The following GRIP2 variants were observed in gnomAD, a reference collection of about 807,000 sequenced individuals.
GRIP2 encodes the protein glutamate receptor-interacting protein 2.
In GRIP2, 58 loss-of-function variants were observed where a neutral mutation model predicts 108.3. The ratio of observed to expected loss-of-function variants is 0.54; its 90% CI spans 0.43 to 0.67. The LOEUF (loss-of-function observed/expected upper bound fraction) is 0.67, where lower values mean the gene tolerates loss of function less well. Ranked by LOEUF, GRIP2 falls within the 30% of genes least tolerant of loss-of-function variation. The pLI is 0.00. For synonymous variants in GRIP2, 586 were observed against 598.2 expected (o/e 0.98, Z 0.30); for missense variants, 1,278 against 1,430.6 (o/e 0.89, Z 1.72).
At chr3:14,509,203 C>T (rs1694014291) in intron 17 of GRIP2, among the ~76,000 whole-genome samples, 1 of 152,210 alleles carries the variant, frequency 6.6e-6, no homozygotes, top group Non-Finnish European at 1.5e-5. Context: ...GCAGCCCCCA[C>T]CAGGCTCTCC....
Position 14,506,978 on chromosome 3 carries a change from G to T in GRIP2, c.2221C>A (p.Pro741Thr). The T allele has an allele frequency of 1.9e-6, 3 of 1,598,318 alleles. No individual in the cohort carries two copies. The highest frequency in any genetic ancestry group is 2.6e-6 in the Non-Finnish European group (3 of 1,171,984). ...TLKIKKQLDR[P>T]LLPRKSGSLS... is the part of the protein sequence containing the mutation. ...CTGCCCGACTTGCGGGGTAGGAGGG[G>T]ACCTGGGAGGAGAGAGGGGTGTCAA... is the stretch of plus-strand genomic sequence containing the variant. Residue 741 changes from proline to threonine, a missense_variant and splice_region_variant, in exon 19 of 24, where the codon CCC (proline) becomes ACC (threonine). By Grantham distance (38) the Pro-to-Thr change is conservative (BLOSUM62 -1). Transcript: ENST00000621039.
Position 14,540,010 on chromosome 3 carries a change from G to A in GRIP2, c.40+259C>T, listed in dbSNP as rs1395962481. ...CCCTACAAGGCTGAGCACTGCCCTC[G>A]GAACCTCCAGACCCGCCTGTTCTGC... On this transcript the variant is annotated intron_variant, in intron 1 of 23. Coordinates refer to ENST00000621039, the MANE Select transcript of GRIP2 (RefSeq NM_001080423.4). This position sits in a 1 kb window ranked among gnomAD's most constrained non-coding sequence, Gnocchi z 4.1. 2.6e-5 allele frequency among the ~76,000 whole-genome samples: 4 copies of A among 152,084 alleles called. No individual in the cohort carries two copies. The highest frequency in any genetic ancestry group is 4.8e-5 in the African/African-American group (2 of 41,422).
At chr3:14,568,857 G>A in the GRIP2 span, among the ~76,000 whole-genome samples, 7 of 152,190 alleles carry the variant, frequency 4.6e-5, no homozygotes, top group Admixed American at 1.3e-4. Context: ...TGGGCAGGCC[G>A]TGCAGTCAGA....
chr3:14,593,878 C>G, the GRIP2 span, among the ~76,000 whole-genome samples: 1 of 152,208 alleles, frequency 6.6e-6, no homozygotes, highest in African/African-American at 2.4e-5. Flanking sequence ...GAGCTAGGCT[C>G]TAGTCCAAAC....
the GRIP2 span, chr3:14,574,367 CG>C: frequency 1.1e-6 from 1 of 944,566 alleles, no homozygotes; most frequent in Non-Finnish European, 1.7e-6. Flanking sequence ...GGTTCCGCCG[CG>C]GCCCCGCGGT....
chr3:14,538,388 C>G (rs1004114253), intron 1 of GRIP2, among the ~76,000 whole-genome samples: 10 of 152,156 alleles, frequency 6.6e-5, no homozygotes, highest in Non-Finnish European at 1.0e-4. Flanking sequence ...GAAATAGGCT[C>G]TCTTTCCTTA....
intron 21 of GRIP2, 26 bp from the exon 22 acceptor site, chr3:14,496,586 A>G (rs776788122): frequency 1.3e-6 from 2 of 1,584,452 alleles, no homozygotes; most frequent in African/African-American, 2.7e-5. Context: ...CCTTTCTTTC[A>G]GATGCTTGTT....
chr3:14,583,925 G>C, the GRIP2 span, among the ~76,000 whole-genome samples: 8 of 152,288 alleles, frequency 5.3e-5, no homozygotes, highest in Admixed American at 3.9e-4. Flanking sequence ...CTCCTTTCTA[G>C]TCAGATTTCC....
upstream of GRIP2, among the ~76,000 whole-genome samples, chr3:14,545,080 C>T (rs981410252): frequency 1.3e-5 from 2 of 152,188 alleles, no homozygotes; most frequent in Non-Finnish European, 2.9e-5. Flanking sequence ...AAGGAGGCTC[C>T]GACAGCCGCA....
At chr3:14,500,015 G>A (rs1693724666) in intron 21 of GRIP2, among the ~76,000 whole-genome samples, 1 of 151,736 alleles carries the variant, frequency 6.6e-6, no homozygotes, top group Admixed American at 6.6e-5. Flanking sequence ...AAGATGTGTA[G>A]AAAAATAAGA....
the GRIP2 span, among the ~76,000 whole-genome samples, chr3:14,602,411 G>C: frequency 1.3e-5 from 2 of 152,062 alleles, no homozygotes; most frequent in Non-Finnish European, 2.9e-5. This position sits in a 1 kb window ranked among gnomAD's most constrained non-coding sequence, Gnocchi z 4.7. Context: ...GGTCGGCATG[G>C]GGGTGGCGCC....
At chr3:14,551,210 A>C (rs1695142208) in intron 1 of GRIP2, among the ~76,000 whole-genome samples, 1 of 152,200 alleles carries the variant, frequency 6.6e-6, no homozygotes, top group African/African-American at 2.4e-5. Flanking sequence ...GTGGGGAGAC[A>C]GGGCTGGGAG....
At chr3:14,584,869 C>T in the GRIP2 span, among the ~76,000 whole-genome samples, 1 of 152,228 alleles carries the variant, frequency 6.6e-6, no homozygotes, top group African/African-American at 2.4e-5. Context: ...GCCTCTGCCT[C>T]CCTACAGGGT....
the GRIP2 span, chr3:14,572,759 AGGTGACTCCT>A: frequency 1.8e-6 from 1 of 560,148 alleles, no homozygotes; most frequent in East Asian, 3.3e-5. Flanking sequence ...CACATGGAGC[AGGTGACTCCT>A]GGTAAGCCTG....
At position 14,491,713 on chromosome 3, in the gene GRIP2, AGTGTG is replaced by A. The variant is rs1485221937; in HGVS notation, c.*1947_*1951del. 5.9e-5 allele frequency: 9 copies of A among 152,420 alleles called. No individual in the cohort carries two copies. The highest frequency in any genetic ancestry group is 1.4e-4 in the African/African-American group (6 of 41,450). 9.4% of individuals were successfully genotyped at this position (152,420 alleles called of 1,614,324 possible). On this transcript the variant is annotated 3_prime_UTR_variant, in exon 24 of 24. Coordinates refer to ENST00000621039, the MANE Select transcript of GRIP2 (RefSeq NM_001080423.4). Reference sequence around the variant, plus strand: ...TTTTCCCAAGCCGAGAGGCCCTGAGAGTGTGTCCTGTCCAGCCCTGTTGCTTAGCA... The same window carrying A: ...TTTTCCCAAGCCGAGAGGCCCTGAGATCCTGTCCAGCCCTGTTGCTTAGCA...
rs1412349337 is a variant in GRIP2 at position 14,489,143 on chromosome 3, C to A, written c.*4522G>T. The A allele has an allele frequency of 6.6e-6, 1 of 152,244 alleles. No homozygotes were observed. Among genetic ancestry groups the A allele is most frequent in the Non-Finnish European group, 1.5e-5 (1 of 67,978 alleles). The allele number at this position is 152,244 out of a possible 1,614,324, so 9.4% of individuals were successfully genotyped here. A position where few individuals can be genotyped will look rare whatever the true frequency, so the allele number is the denominator to read the frequency against. On this transcript the variant is annotated 3_prime_UTR_variant, in exon 24 of 24. Coordinates refer to ENST00000621039, the MANE Select transcript of GRIP2 (RefSeq NM_001080423.4). Reference sequence around the variant, plus strand: ...GGAACATTTGTATTTGAACAAGATCCTTGGTGTGTAGTTCAGTCTTGCAGT... The same window carrying A: ...GGAACATTTGTATTTGAACAAGATCATTGGTGTGTAGTTCAGTCTTGCAGT...
rs973288414 is a variant in GRIP2, at chr3:14,505,065, G to T, written c.2573+550C>A. ...CAGGAGAATTTGAGCTGAGTTTTGA[G>T]GGATGAGTAGGGATTTGCCAGGAGA... On this transcript the variant is annotated intron_variant, in intron 20 of 23. Transcript: ENST00000621039. This position sits in a 1 kb window ranked among gnomAD's most constrained non-coding sequence, Gnocchi z 4.2. 6.6e-6 allele frequency among the ~76,000 whole-genome samples: 1 copy of T among 152,180 alleles called. No individual in the cohort carries two copies. Among genetic ancestry groups the T allele is most frequent in the African/African-American group, 2.4e-5 (1 of 41,454 alleles).
chr3:14,552,426 A>G (rs891793869), intron 1 of GRIP2, among the ~76,000 whole-genome samples: 1 of 152,296 alleles, frequency 6.6e-6, no homozygotes, highest in Non-Finnish European at 1.5e-5. Context: ...AACAATACCT[A>G]TGACGTAATA....
chr3:14,501,340 A>C (rs1229902677), intron 21 of GRIP2, among the ~76,000 whole-genome samples: 2 of 152,216 alleles, frequency 1.3e-5, no homozygotes, highest in South Asian at 2.1e-4. Context: ...AACTGGTTAA[A>C]ATTATAAATT....
Sources: allele counts gnomAD v4.1 joint callset (sites outside exome capture counted in the v4.1 genomes callset), GRCh38; gene constraint gnomAD v4.1.1; non-coding constraint Gnocchi (gnomAD v3.1); transcripts MANE v1.5; gene names NCBI Gene and HGNC (gene_info 2026-07-23, HGNC 2026-07-21).